EPHA5: variants seen among roughly 807,000 people sequenced by gnomAD.
EPHA5 encodes the protein ephrin type-A receptor 5.
A neutral mutation model predicts 105.0 loss-of-function variants in EPHA5; 60 were observed. The observed-to-expected ratio is 0.57, with a 90% CI of 0.46 to 0.71. The LOEUF (loss-of-function observed/expected upper bound fraction) is 0.71, where lower values mean the gene tolerates loss of function less well. Ranked by LOEUF, EPHA5 falls within the 30% of genes least tolerant of loss-of-function variation. EPHA5 has a pLI of 0.00. For missense variants in EPHA5, 1,218 were observed against 1,274.7 expected (o/e 0.96, Z 0.68); for synonymous variants, 513 against 449.1 (o/e 1.14, Z -1.80).
intron 3 of EPHA5, among the ~76,000 whole-genome samples, chr4:65,564,515 T>C (rs1465647925): frequency 6.6e-6 from 1 of 151,798 alleles, no homozygotes; most frequent in African/African-American, 2.4e-5. Flanking sequence ...ATTGTGACTT[T>C]GTTTTTATTG....
intron 7 of EPHA5, among the ~76,000 whole-genome samples, chr4:65,407,897 A>G (rs1722519570): frequency 6.6e-6 from 1 of 151,596 alleles, no homozygotes; most frequent in Non-Finnish European, 1.5e-5. Context: ...CTGGGACTAC[A>G]GGCCTGCACC....
chr4:65,620,130 T>TATATATATATATATA (rs1389832477), intron 2 of EPHA5, among the ~76,000 whole-genome samples: 1 of 103,862 alleles, frequency 9.6e-6, no homozygotes, highest in African/African-American at 3.5e-5. Context: ...ATATATATAT[T>TATATATATATATATA]AAATATATGA....
At chr4:65,580,041 G>A (rs1741462494) in intron 3 of EPHA5, among the ~76,000 whole-genome samples, 1 of 151,918 alleles carries the variant, frequency 6.6e-6, no homozygotes, top group East Asian at 1.9e-4. Flanking sequence ...AGAGTGCTGA[G>A]CCTGCTAATA....
At chr4:65,333,396 C>T (rs1194443280) in intron 15 of EPHA5, among the ~76,000 whole-genome samples, 2 of 151,548 alleles carry the variant, frequency 1.3e-5, no homozygotes, top group Non-Finnish European at 2.9e-5. Context: ...AATCTGTGAG[C>T]ACTTTTCAAA....
chr4:65,507,257 T>G (rs551922559), intron 3 of EPHA5, among the ~76,000 whole-genome samples: 1 of 152,142 alleles, frequency 6.6e-6, no homozygotes, highest in East Asian at 1.9e-4. Flanking sequence ...CCATGCTGTT[T>G]TGGTTACTGT....
At chr4:65,610,428 T>A (rs1181748945) in intron 2 of EPHA5, among the ~76,000 whole-genome samples, 5 of 152,092 alleles carry the variant, frequency 3.3e-5, no homozygotes, top group Admixed American at 2.6e-4. Context: ...ATGCTCACTA[T>A]CTGAGTGACT....
chr4:65,425,110 A>G (rs1724301433), intron 5 of EPHA5, among the ~76,000 whole-genome samples: 1 of 152,092 alleles, frequency 6.6e-6, no homozygotes, highest in African/African-American at 2.4e-5. Flanking sequence ...CAAAGACTAG[A>G]GAGAGGTAAA....
intron 3 of EPHA5, among the ~76,000 whole-genome samples, chr4:65,538,931 C>G (rs532770498): frequency 3.3e-4 from 50 of 151,812 alleles, no homozygotes; most frequent in Admixed American, 7.9e-4. Context: ...GACATTCTGC[C>G]AGCAAGAATC....
At chr4:65,595,301 CTATAG>C (rs1441650110) in intron 3 of EPHA5, among the ~76,000 whole-genome samples, 2 of 152,002 alleles carry the variant, frequency 1.3e-5, no homozygotes, top group Non-Finnish European at 2.9e-5. Context: ...TACAGGAATT[CTATAG>C]GCTGGATAGA....
intron 2 of EPHA5, among the ~76,000 whole-genome samples, chr4:65,608,348 C>CA (rs1285192975): frequency 3.3e-5 from 5 of 151,694 alleles, no homozygotes; most frequent in East Asian, 1.9e-4. Flanking sequence ...ACTAAAAACA[C>CA]AAAAAATTAG....
intron 10 of EPHA5, among the ~76,000 whole-genome samples, chr4:65,365,686 T>TAC (rs1717828964): frequency 8.8e-6 from 1 of 114,242 alleles, no homozygotes; most frequent in Non-Finnish European, 1.9e-5. Context: ...TATATATATA[T>TAC]ATAGTGAAAC....
chr4:65,661,949 C>A (rs770349115), intron 1 of EPHA5, among the ~76,000 whole-genome samples: 2 of 152,152 alleles, frequency 1.3e-5, no homozygotes, highest in Non-Finnish European at 2.9e-5. Flanking sequence ...ATCTATTCTG[C>A]AGGCAGAGTC....
intron 11 of EPHA5, among the ~76,000 whole-genome samples, chr4:65,359,510 G>A (rs1201538470): frequency 5.9e-5 from 9 of 151,494 alleles, no homozygotes; most frequent in African/African-American, 2.2e-4. Context: ...TGATTACCAA[G>A]CTTAATCTTG....
At chr4:65,348,685 TATATATATATATAAA>T (rs1722470763) in intron 13 of EPHA5, among the ~76,000 whole-genome samples, 3 of 93,948 alleles carry the variant, frequency 3.2e-5, no homozygotes, top group Non-Finnish European at 7.0e-5. Flanking sequence ...TATATATATA[TATATATATATATAAA>T]ATATATATGT....
Position 65,351,618 on chromosome 4 carries a change from A to G in EPHA5, c.2236-20T>C. The G allele has an allele frequency of 6.2e-7, 1 of 1,610,120 alleles. No individual in the cohort carries two copies. The highest frequency in any genetic ancestry group is 8.5e-7 in the Non-Finnish European group (1 of 1,176,862). ...GTTTTTCTGTAAAGACAATGTAGAA[A>G]TATTAGTCTAGCAACACCAATCACT... is the stretch of plus-strand genomic sequence containing the variant. On this transcript the variant is annotated intron_variant, in intron 12 of 16. Coordinates refer to ENST00000613740, the MANE Select transcript of EPHA5 (RefSeq NM_001281766.3).
intron 3 of EPHA5, among the ~76,000 whole-genome samples, chr4:65,577,170 A>G (rs1475233888): frequency 6.6e-6 from 1 of 152,204 alleles, no homozygotes; most frequent in Admixed American, 6.5e-5. Flanking sequence ...ATACAGAATT[A>G]CATTTAATTT....
At chr4:65,574,362 A>C (rs1206998962) in intron 3 of EPHA5, 3 of 703,090 alleles carry the variant, frequency 4.3e-6, no homozygotes, top group East Asian at 8.2e-5. Context: ...AGCTGACTAC[A>C]AAAAAAAAAT....
In EPHA5 at chr4:65,403,828, T is replaced by C. The variant is rs573205443; in HGVS notation, c.1793+546A>G. On this transcript the variant is annotated intron_variant, in intron 8 of 16. Transcript: ENST00000613740. ...CACTTCAAATCAGTATATATCATGA[T>C]TGAAGTATTCAGGTTGAAATCACTT... Among the ~76,000 whole-genome samples the C allele has an allele frequency of 2.0e-5, 3 of 152,244 alleles. No individual in the cohort carries two copies. The South Asian group carries it at 6.2e-4, about 32-fold the overall frequency.
chr4:65,431,546 T>C (rs1366612943), intron 5 of EPHA5, among the ~76,000 whole-genome samples: 1 of 152,006 alleles, frequency 6.6e-6, no homozygotes, highest in African/African-American at 2.4e-5. Flanking sequence ...TTAACAGGTC[T>C]TCCCACCGAA....
Sources: gnomAD v4.1 joint callset for allele counts (sites outside exome capture counted in the v4.1 genomes callset) on GRCh38, gnomAD v4.1.1 for gene constraint, MANE v1.5 for transcripts, NCBI Gene and HGNC (gene_info 2026-07-23, HGNC 2026-07-21) for gene names.